Variants in TRRAP observed in about 807,000 individuals in gnomAD.
The protein encoded by TRRAP is transformation/transcription domain-associated protein.
A neutral mutation model predicts 438.8 loss-of-function variants in TRRAP; 41 were observed. The ratio of observed to expected loss-of-function variants is 0.09; its 90% CI spans 0.07 to 0.12. The LOEUF (loss-of-function observed/expected upper bound fraction) is 0.12, where lower values mean the gene tolerates loss of function less well. Among genes scored for constraint, TRRAP ranks in the 10% least tolerant of loss-of-function variants. The pLI is 1.00. For synonymous variants in TRRAP, 1,994 were observed against 1,962.9 expected, an observed-to-expected ratio of 1.02 and a Z score of -0.42; for missense variants, 3,122 against 5,055.1, an observed-to-expected ratio of 0.62 and a Z score of 11.60.
chr7:98,892,350 C>A, intron 4 of TRRAP, 74 bp from the exon 5 acceptor site: 1 of 1,234,974 alleles, frequency 8.1e-7, no homozygotes, highest in Non-Finnish European at 1.2e-6. Flanking sequence ...GTGACACTTG[C>A]AGAGTGTGAG....
At chr7:98,941,370 C>T (rs114731942) in intron 30 of TRRAP, among the ~76,000 whole-genome samples, 2,707 of 152,154 alleles carry the variant, frequency 0.018, 83 homozygotes, top group African/African-American at 0.061. Context: ...GAGACCAGGT[C>T]ACACCATGTT....
Position 98,950,911 on chromosome 7 carries a change from C to A in TRRAP, c.5370C>A (p.Tyr1790Ter). The A allele has an allele frequency of 6.3e-7, 1 of 1,592,942 alleles. No individual in the cohort carries two copies. Residue 1790 changes from tyrosine (Y) to a stop codon, truncating the protein, a stop_gained, in exon 39 of 73, where the codon TAC becomes TAA. Coordinates refer to ENST00000456197, the MANE Select transcript of TRRAP (RefSeq NM_001375524.1). LOFTEE classifies it high-confidence loss of function. Reference protein sequence around the residue: ...LQHILNPAFLYSFEKGEGEQL... With the variant: ...LQHILNPAFL ...ATATCTTGAATCCTGCTTTCTTGTA[C>A]AGCTTTGAGAAGGGGGAAGGAGAGC...
chr7:98,970,326 G>C (rs374569919), intron 52 of TRRAP, 35 bp downstream of exon 52: 62 of 1,601,604 alleles, frequency 3.9e-5, no homozygotes, highest in Non-Finnish European at 4.9e-5. Context: ...GAATCCCAGA[G>C]AGGAGGTGAG....
rs781788801 is a variant in TRRAP, at chr7:98,921,944, C to T, written c.2814C>T (p.Pro938=). ...FSDCKASLQL[P]MEKAIETALD... is the part of the protein sequence containing the mutation. ...ACTGCAAAGCTTCTCTCCAGCTCCC[C>T]ATGGAGAAGGTAAGCTCTGTGACAA... Residue 938 remains proline, a synonymous_variant, in exon 21 of 73, where the codon CCC becomes CCT. Coordinates refer to ENST00000456197, the MANE Select transcript of TRRAP (RefSeq NM_001375524.1). 5.6e-6 allele frequency: 9 copies of T among 1,614,098 alleles called. No homozygotes were observed. The highest frequency in any genetic ancestry group is 4.0e-5 in the African/African-American group (3 of 74,938).
intron 23 of TRRAP, 151 bp downstream of exon 23, chr7:98,927,517 A>G: frequency 9.5e-7 from 1 of 1,051,352 alleles, no homozygotes; most frequent in Non-Finnish European, 1.3e-6. Flanking sequence ...CATTTACGAC[A>G]TTGATAATTG....
At chr7:98,960,897 G>GT (rs544469420) in intron 45 of TRRAP, among the ~76,000 whole-genome samples, 120 of 152,146 alleles carry the variant, frequency 7.9e-4, no homozygotes, top group African/African-American at 2.8e-3. Flanking sequence ...GATTACAGGC[G>GT]TAACCACTGC....
At chr7:98,930,920 T>C in intron 25 of TRRAP, 90 bp downstream of exon 25, 4 of 1,499,070 alleles carry the variant, frequency 2.7e-6, no homozygotes, top group Non-Finnish European at 3.6e-6. Context: ...GCAAATATGC[T>C]CTCCTAGCAG....
chr7:98,945,831 G>C (rs782200055), intron 32 of TRRAP, 31 bp downstream of exon 32: 1 of 1,589,332 alleles, frequency 6.3e-7, no homozygotes, highest in Admixed American at 1.7e-5. Flanking sequence ...GTCAGTTTCT[G>C]ACTTGCAATG....
chr7:98,880,813 T>C (rs572361341), intron 1 of TRRAP, among the ~76,000 whole-genome samples: 1 of 152,174 alleles, frequency 6.6e-6, no homozygotes, highest in African/African-American at 2.4e-5. Context: ...ATATCTACTA[T>C]GTGGCTCTTT....
chr7:98,964,500 TCA>T (rs1247652232), intron 47 of TRRAP, 127 bp from the exon 48 acceptor site: 5 of 1,068,776 alleles, frequency 4.7e-6, no homozygotes, highest in Non-Finnish European at 5.4e-6. Context: ...ATGTAAAAGC[TCA>T]CAGTGTTGAC....
At position 98,990,474 on chromosome 7, in the gene TRRAP, T is replaced by G. The variant is rs780837969; in HGVS notation, c.9611T>G (p.Phe3204Cys). The G allele has an allele frequency of 6.2e-7, 1 of 1,613,040 alleles. No individual in the cohort carries two copies. Among genetic ancestry groups the G allele is most frequent in the South Asian group, 1.1e-5 (1 of 91,068 alleles). Residue 3204 changes from phenylalanine (F) to cysteine (C), a missense_variant, in exon 64 of 73, where the codon TTT becomes TGT. By Grantham distance (205) the Phe-to-Cys change is radical (BLOSUM62 -2). Coordinates refer to ENST00000456197, the MANE Select transcript of TRRAP (RefSeq NM_001375524.1). ...YLAKVLWLLSFDDDKNTLADA... is the reference protein window; with the variant it reads ...YLAKVLWLLSCDDDKNTLADA... ...TCTCAGGTGCTGTGGCTTTTGAGTT[T>G]TGATGATGACAAAAACACTTTGGCA...
intron 40 of TRRAP, 126 bp downstream of exon 40, chr7:98,953,559 C>T (rs1791444650): frequency 7.3e-7 from 1 of 1,361,504 alleles, no homozygotes; most frequent in African/African-American, 1.4e-5. Context: ...CATGAAAACA[C>T]AGACACTGTA....
At chr7:98,955,444 T>C in intron 41 of TRRAP, 140 bp downstream of exon 41, 1 of 858,800 alleles carries the variant, frequency 1.2e-6, no homozygotes, top group Admixed American at 2.7e-5. Context: ...TTAGTTTGTG[T>C]ATGTGTGTAT....
At chr7:98,939,035 C>T (rs575361354) in intron 30 of TRRAP, among the ~76,000 whole-genome samples, 10 of 152,180 alleles carry the variant, frequency 6.6e-5, no homozygotes, top group South Asian at 4.2e-4. Context: ...GAAATGTAAG[C>T]GGATGGAGGA....
chr7:98,903,991 G>A (rs2116369508), intron 12 of TRRAP, among the ~76,000 whole-genome samples: 1 of 152,108 alleles, frequency 6.6e-6, no homozygotes, highest in Non-Finnish European at 1.5e-5. Context: ...TTTATTTTTA[G>A]TAGAGATGGG....
Position 98,916,004 on chromosome 7 carries a change from A to G in TRRAP, c.2365+116A>G, listed in dbSNP as rs1462105261. The G allele has an allele frequency of 2.8e-6, 4 of 1,410,138 alleles. No individual in the cohort carries two copies. In the African/African-American group the frequency reaches 5.7e-5, roughly 20 times the overall value. The allele number at this position is 1,410,138 out of a possible 1,614,324, so 87.4% of individuals were successfully genotyped here. ...ACTGGTGAGTGTCATGGTTGGTGGG[A>G]TGGGATGTGGCACATCCGCCGCCCC... On this transcript the variant is annotated intron_variant, in intron 19 of 72. Coordinates refer to ENST00000456197, the MANE Select transcript of TRRAP (RefSeq NM_001375524.1).
At chr7:98,942,552 C>T (rs1362747897) in intron 30 of TRRAP, among the ~76,000 whole-genome samples, 3 of 152,218 alleles carry the variant, frequency 2.0e-5, no homozygotes, top group African/African-American at 7.2e-5. Context: ...TTTTCCTCAT[C>T]AGACCACGGG....
At chr7:98,885,552 AG>A (rs1250236907) in intron 3 of TRRAP, among the ~76,000 whole-genome samples, 24 of 152,126 alleles carry the variant, frequency 1.6e-4, no homozygotes, top group Non-Finnish European at 3.4e-4. Flanking sequence ...TTTTTTTAAT[AG>A]ACATTTTCAA....
chr7:98,956,172 G>A lies in TRRAP; in HGVS notation c.5964G>A (p.Leu1988=). 6.2e-7 allele frequency: 1 copy of A among 1,612,532 alleles called. No individual in the cohort carries two copies. The highest frequency in any genetic ancestry group is 2.2e-5 in the East Asian group (1 of 44,862). Residue 1988 remains leucine, a synonymous_variant, in exon 42 of 73, where the codon TTG becomes TTA. Coordinates refer to ENST00000456197, the MANE Select transcript of TRRAP (RefSeq NM_001375524.1). The surrounding 1 kb of genome is among the most constrained non-coding windows in gnomAD (Gnocchi z 4.5). ...TGTACTACCCGGTACGGCACCACTT[G>A]GTGCAGCACATGGTGAGCGCCATGC... ...FKVYYPVRHH[L]VQHMVSAMQR... is the part of the protein sequence containing the mutation.
Sources: allele counts gnomAD v4.1 joint callset (sites outside exome capture counted in the v4.1 genomes callset), GRCh38; gene constraint gnomAD v4.1.1; non-coding constraint Gnocchi (gnomAD v3.1); transcripts MANE v1.5; gene names NCBI Gene and HGNC (gene_info 2026-07-23, HGNC 2026-07-21).